The following PCDH10 variants were observed in gnomAD, a reference collection of about 807,000 sequenced individuals.
PCDH10 encodes the protein protocadherin 10.
A neutral mutation model predicts 74.4 loss-of-function variants in PCDH10; 15 were observed. That is an observed-to-expected ratio of 0.20 (90% CI 0.13 to 0.31). The LOEUF (loss-of-function observed/expected upper bound fraction) is 0.31. Ranked by LOEUF, PCDH10 falls within the 10% of genes least tolerant of loss-of-function variation. The probability of loss-of-function intolerance (pLI) is 1.00; values close to 1 mark genes in which losing one functional copy is unlikely to be tolerated. For missense variants in PCDH10, 1,260 were observed against 1,390.2 expected, an observed-to-expected ratio of 0.91 and a Z score of 1.49; for synonymous variants, 619 against 589.8, an observed-to-expected ratio of 1.05 and a Z score of -0.72.
At chr4:133,199,821 G>A (rs1279346086) in intron 2 of PCDH10, among the ~76,000 whole-genome samples, 2 of 143,748 alleles carry the variant, frequency 1.4e-5, no homozygotes, top group East Asian at 2.0e-4. Context: ...TTTTCAAGAC[G>A]GAGTCTTGCT....
At chr4:133,182,963 A>G (rs1203053758) in intron 4 of PCDH10, among the ~76,000 whole-genome samples, 1 of 152,136 alleles carries the variant, frequency 6.6e-6, no homozygotes, top group Admixed American at 6.6e-5. Context: ...TTTTAATTTA[A>G]AAGTTTAATT....
At chr4:133,181,879 T>G (rs1403736972) in intron 4 of PCDH10, among the ~76,000 whole-genome samples, 1 of 152,114 alleles carries the variant, frequency 6.6e-6, no homozygotes. Context: ...GAATAGGCGT[T>G]TAGAAATATT....
chr4:133,151,303 A>T lies in PCDH10; in HGVS notation c.1163A>T (p.Glu388Val). Reference sequence around the variant, plus strand: ...TTCAGCGTGACTGACCGCGACTCAGAGGAGAATGGGCAGGTGCAGTGCGAG... The same window carrying T: ...TTCAGCGTGACTGACCGCGACTCAGTGGAGAATGGGCAGGTGCAGTGCGAG... ...ALFSVTDRDS[E>V]ENGQVQCELL... The change falls in exon 1 of 5, where the codon GAG (glutamate) becomes GTG (valine). Residue 388 changes from glutamate to valine, a missense_variant. By Grantham distance (121) the Glu-to-Val change is moderately radical. Transcript: ENST00000264360. 6.2e-7 allele frequency: 1 copy of T among 1,614,130 alleles called. No individual in the cohort carries two copies. The highest frequency in any genetic ancestry group is 1.3e-5 in the African/African-American group (1 of 75,046).
intron 4 of PCDH10, among the ~76,000 whole-genome samples, chr4:133,189,347 G>A (rs62311839): frequency 8.6e-5 from 13 of 151,818 alleles, no homozygotes; most frequent in Non-Finnish European, 1.6e-4. Flanking sequence ...TTGTGCTTAT[G>A]GTCAAATATT....
chr4:133,200,281 T>C (rs1165675482), intron 2 of PCDH10, among the ~76,000 whole-genome samples: 1 of 151,974 alleles, frequency 6.6e-6, no homozygotes, highest in Non-Finnish European at 1.5e-5. Flanking sequence ...TTTTTTTGTA[T>C]ATATAACTTT....
rs901151741 is a variant in PCDH10 at position 133,190,784 on chromosome 4, A to G, written c.*624A>G. ...ATATATTATATTATATAATTTTCCTAAAATGTGGTACAACTCAGTTGGTTT... is the reference window on the plus strand; with the variant it reads ...ATATATTATATTATATAATTTTCCTGAAATGTGGTACAACTCAGTTGGTTT... On this transcript the variant is annotated 3_prime_UTR_variant, in exon 5 of 5. Transcript: ENST00000264360. 30 of 150,824 alleles carry G rather than the reference A, an allele frequency of 2.0e-4. No homozygotes were observed. The highest frequency in any genetic ancestry group is 7.0e-4 in the African/African-American group (29 of 41,188). 9.3% of individuals were successfully genotyped at this position (150,824 alleles called of 1,614,324 possible). A position where few individuals can be genotyped will look rare whatever the true frequency, so the allele number is the denominator to read the frequency against.
In PCDH10 at chr4:133,152,277, G is replaced by C. The variant is rs541195748; in HGVS notation, c.2137G>C (p.Asp713His). 4 of 1,614,068 alleles carry C rather than the reference G, an allele frequency of 2.5e-6. No individual in the cohort carries two copies. In the South Asian group the frequency reaches 3.3e-5, roughly 13 times the overall value. Residue 713 changes from aspartate (D) to histidine (H), a missense_variant, in exon 1 of 5, where the codon GAC becomes CAC. Coordinates refer to ENST00000264360, the MANE Select transcript of PCDH10 (RefSeq NM_032961.3). ...SRSGGGETSL[D>H]LTLILIIALG... ...CTCTGGCGGCGGGGAAACCTCGCTA[G>C]ACCTCACCCTCATCCTCATCATCGC...
intron 4 of PCDH10, among the ~76,000 whole-genome samples, chr4:133,180,741 A>G (rs1326129220): frequency 3.9e-5 from 6 of 152,080 alleles, no homozygotes; most frequent in South Asian, 2.1e-4. Flanking sequence ...TTACTTTGCT[A>G]TGTAATTAAA....
At chr4:133,178,879 T>C (rs893419236) in intron 4 of PCDH10, among the ~76,000 whole-genome samples, 1 of 149,574 alleles carries the variant, frequency 6.7e-6, no homozygotes, top group Non-Finnish European at 1.5e-5. Flanking sequence ...GATCATTATG[T>C]GCCTTATTTT....
At position 133,192,788 on chromosome 4, in the gene PCDH10, G is replaced by T. The variant is rs1381222690; in HGVS notation, c.*2628G>T. ...ACAACAGAGTAAGGATATGATTCTT[G>T]TAAGTTGGTTAAAATGTTTTCTTCC... On this transcript the variant is annotated 3_prime_UTR_variant, in exon 5 of 5. Coordinates refer to ENST00000264360, the MANE Select transcript of PCDH10 (RefSeq NM_032961.3). 1 of 151,540 alleles carries T rather than the reference G, an allele frequency of 6.6e-6. No individual in the cohort carries two copies. Among genetic ancestry groups the T allele is most frequent in the Non-Finnish European group, 1.5e-5 (1 of 67,614 alleles). 9.4% of individuals were successfully genotyped at this position (151,540 alleles called of 1,614,324 possible). A position where few individuals can be genotyped will look rare whatever the true frequency, so the allele number is the denominator to read the frequency against.
intron 1 of PCDH10, 99 bp from the exon 2 acceptor site, chr4:133,154,208 A>G (rs1013328323): frequency 1.7e-5 from 12 of 722,806 alleles, no homozygotes; most frequent in South Asian, 1.2e-4. Context: ...AAAAATGTAT[A>G]CAATTACTTA....
At chr4:133,177,361 A>G (rs1471964925) in intron 4 of PCDH10, among the ~76,000 whole-genome samples, 1 of 152,180 alleles carries the variant, frequency 6.6e-6, no homozygotes, top group Admixed American at 6.5e-5. Flanking sequence ...AAAGTGACAC[A>G]GAACTAACAA....
intron 2 of PCDH10, among the ~76,000 whole-genome samples, chr4:133,200,794 G>C (rs1387105245): frequency 6.6e-6 from 1 of 152,154 alleles, no homozygotes; most frequent in East Asian, 1.9e-4. Flanking sequence ...CCTGTGCCAG[G>C]CTATGTTTCC....
intron 4 of PCDH10, among the ~76,000 whole-genome samples, chr4:133,188,362 ATT>A (rs1727584300): frequency 1.3e-5 from 2 of 152,136 alleles, no homozygotes; most frequent in African/African-American, 4.8e-5. Flanking sequence ...GTGTAAACAA[ATT>A]TGTTTGAATT....
At position 133,163,096 on chromosome 4, in the gene PCDH10, C is replaced by A. The variant is rs978906607; in HGVS notation, c.2917C>A (p.Leu973Met). 30 of 1,614,146 alleles carry A rather than the reference C, an allele frequency of 1.9e-5. No homozygotes were observed. Among genetic ancestry groups the A allele is most frequent in the Non-Finnish European group, 2.4e-5 (28 of 1,180,016 alleles). Residue 973 changes from leucine (L) to methionine (M), a missense_variant, in exon 4 of 5, where the codon CTG becomes ATG. Coordinates refer to ENST00000264360, the MANE Select transcript of PCDH10 (RefSeq NM_032961.3). Reference protein sequence around the residue: ...GRQAADYRSNLHVPGMDSVPD... With the variant: ...GRQAADYRSNMHVPGMDSVPD... ...CCAGGCTGCTGATTATCGCAGCAAT[C>A]TGCATGTTCCTGGCATGGACTCTGT...
intron 4 of PCDH10, 67 bp downstream of exon 4, chr4:133,163,349 C>A: frequency 1.4e-6 from 2 of 1,382,732 alleles, no homozygotes; most frequent in Admixed American, 2.3e-5. Context: ...ACATTCCACT[C>A]TTTTTGGTAA....
intron 4 of PCDH10, among the ~76,000 whole-genome samples, chr4:133,168,571 A>G (rs1727135439): frequency 6.6e-6 from 1 of 151,570 alleles, no homozygotes; most frequent in Admixed American, 6.6e-5. Context: ...AAATATTCAA[A>G]ACTTACACAA....
intron 3 of PCDH10, among the ~76,000 whole-genome samples, chr4:133,161,322 G>A (rs866499862): frequency 6.6e-5 from 10 of 152,048 alleles, no homozygotes; most frequent in Admixed American, 3.9e-4. Flanking sequence ...ATGATAAGAA[G>A]CTTGGTGTTA....
At chr4:133,181,564 A>G (rs574961387) in intron 4 of PCDH10, among the ~76,000 whole-genome samples, 3 of 152,176 alleles carry the variant, frequency 2.0e-5, no homozygotes, top group Admixed American at 1.3e-4. Flanking sequence ...CTGAAATTCA[A>G]AGATTATCGT....
Sources: allele counts gnomAD v4.1 joint callset (sites outside exome capture counted in the v4.1 genomes callset), GRCh38; gene constraint gnomAD v4.1.1; transcripts MANE v1.5; gene names NCBI Gene and HGNC (gene_info 2026-07-23, HGNC 2026-07-21).